The following LRRTM4 variants were observed in gnomAD, a reference collection of about 807,000 sequenced individuals.
LRRTM4 encodes the protein leucine-rich repeat transmembrane neuronal protein 4.
A neutral mutation model predicts 47.6 loss-of-function variants in LRRTM4; 25 were observed. The observed-to-expected ratio is 0.53, with a 90% CI of 0.38 to 0.73. LRRTM4 has a LOEUF of 0.73. Among genes scored for constraint, LRRTM4 ranks in the 30% least tolerant of loss-of-function variants. The pLI is 0.00. For missense variants in LRRTM4, 638 were observed against 713.4 expected (o/e 0.89, Z 1.20); for synonymous variants, 311 against 269.5 (o/e 1.15, Z -1.51).
intron 3 of LRRTM4, among the ~76,000 whole-genome samples, chr2:77,276,686 CATATATATATATAT>C (rs3980215): frequency 0.014 from 1,016 of 71,722 alleles, 63 homozygotes; most frequent in African/African-American, 0.038. Context: ...TTTGTGTACG[CATATATATATATAT>C]ATATATATAT....
At chr2:77,429,422 C>T (rs1047607528) in intron 3 of LRRTM4, among the ~76,000 whole-genome samples, 81 of 152,054 alleles carry the variant, frequency 5.3e-4, no homozygotes, top group Middle Eastern at 3.4e-3. Flanking sequence ...CAGCATTATT[C>T]GCAATAGCCA....
At chr2:77,292,198 C>A (rs1676844229) in intron 3 of LRRTM4, among the ~76,000 whole-genome samples, 1 of 149,588 alleles carries the variant, frequency 6.7e-6, no homozygotes, top group Non-Finnish European at 1.5e-5. Context: ...CAGGAAACAA[C>A]AGGTGCTGGA....
At chr2:76,897,596 C>T (rs1197057952) in intron 3 of LRRTM4, among the ~76,000 whole-genome samples, 4 of 152,204 alleles carry the variant, frequency 2.6e-5, no homozygotes, top group South Asian at 2.1e-4. Flanking sequence ...ATCCTTAGGC[C>T]TTTGTTAAAG....
chr2:77,248,868 A>T (rs1261392577), intron 3 of LRRTM4, among the ~76,000 whole-genome samples: 1 of 152,134 alleles, frequency 6.6e-6, no homozygotes, highest in Admixed American at 6.6e-5. Flanking sequence ...CTAAACAGAG[A>T]CTTTATACTC....
chr2:76,842,905 T>G (rs940613675), intron 3 of LRRTM4, among the ~76,000 whole-genome samples: 6 of 152,174 alleles, frequency 3.9e-5, no homozygotes, highest in Non-Finnish European at 8.8e-5. Flanking sequence ...CCACCTATAT[T>G]AGGAGAGAAT....
chr2:77,332,506 G>A (rs945187861), intron 3 of LRRTM4, among the ~76,000 whole-genome samples: 12 of 152,066 alleles, frequency 7.9e-5, no homozygotes, highest in African/African-American at 2.9e-4. Context: ...TTGGTCATGA[G>A]GATTTCTTCC....
At chr2:77,218,753 T>C (rs1454696934) in intron 3 of LRRTM4, among the ~76,000 whole-genome samples, 1 of 152,122 alleles carries the variant, frequency 6.6e-6, no homozygotes, top group Non-Finnish European at 1.5e-5. Context: ...TGAGCAACAA[T>C]ATAGTAAGCT....
chr2:76,972,734 A>G (rs1237483477), intron 3 of LRRTM4, among the ~76,000 whole-genome samples: 2 of 151,562 alleles, frequency 1.3e-5, no homozygotes, highest in African/African-American at 4.9e-5. Flanking sequence ...CAACTTTTAT[A>G]CCCTCTTTCT....
At chr2:77,416,366 G>T (rs1674634650) in intron 3 of LRRTM4, among the ~76,000 whole-genome samples, 1 of 151,994 alleles carries the variant, frequency 6.6e-6, no homozygotes, top group Non-Finnish European at 1.5e-5. Flanking sequence ...TTATTCTGTG[G>T]CTACTTGTAG....
At chr2:77,483,054 G>A (rs1677772383) in intron 3 of LRRTM4, among the ~76,000 whole-genome samples, 1 of 138,444 alleles carries the variant, frequency 7.2e-6, no homozygotes, top group African/African-American at 2.7e-5. Flanking sequence ...CTGAGAGGCA[G>A]AGGTTGCAGC....
chr2:76,965,078 T>G (rs1470509), intron 3 of LRRTM4, among the ~76,000 whole-genome samples: 1 of 150,740 alleles, frequency 6.6e-6, no homozygotes, highest in Non-Finnish European at 1.5e-5. Context: ...ATGAAGCATC[T>G]GGTCCAGATA....
intron 3 of LRRTM4, among the ~76,000 whole-genome samples, chr2:77,039,904 T>G (rs1678966570): frequency 6.6e-6 from 1 of 151,094 alleles, no homozygotes; most frequent in African/African-American, 2.4e-5. Context: ...ATTTTCTCAT[T>G]AGTTAATATT....
intron 3 of LRRTM4, among the ~76,000 whole-genome samples, chr2:77,147,098 A>T (rs900526250): frequency 2.6e-5 from 4 of 152,146 alleles, no homozygotes; most frequent in African/African-American, 4.8e-5. Flanking sequence ...GATTAAGCTA[A>T]TTTTTTTCTA....
chr2:76,927,811 T>C (rs1043627989), intron 3 of LRRTM4, among the ~76,000 whole-genome samples: 14 of 152,272 alleles, frequency 9.2e-5, no homozygotes, highest in South Asian at 6.2e-4. Flanking sequence ...TCTAAGGCTC[T>C]CAACATTGAG....
chr2:77,224,458 T>A (rs557580660), intron 3 of LRRTM4, among the ~76,000 whole-genome samples: 121 of 152,146 alleles, frequency 8.0e-4, no homozygotes, highest in South Asian at 6.0e-3. Context: ...TGCAACCTAC[T>A]CATCTGACAA....
At chr2:77,179,474 T>C (rs917123937) in intron 3 of LRRTM4, among the ~76,000 whole-genome samples, 8 of 152,268 alleles carry the variant, frequency 5.3e-5, no homozygotes, top group Middle Eastern at 3.4e-3. Flanking sequence ...TGAGGTTTAG[T>C]AATCGTTTGT....
At chr2:77,485,425 C>G (rs769942043) in intron 3 of LRRTM4, among the ~76,000 whole-genome samples, 3 of 152,014 alleles carry the variant, frequency 2.0e-5, no homozygotes, top group African/African-American at 7.3e-5. Context: ...AAACAATGAA[C>G]AAAGACCCAG....
chr2:76,923,427 G>A (rs933382129), intron 3 of LRRTM4, among the ~76,000 whole-genome samples: 3 of 151,646 alleles, frequency 2.0e-5, no homozygotes, highest in African/African-American at 4.8e-5. Context: ...ATAAATGAAG[G>A]TAATAAATAC....
intron 3 of LRRTM4, among the ~76,000 whole-genome samples, chr2:77,355,001 C>T (rs565410317): frequency 3.3e-5 from 5 of 152,248 alleles, no homozygotes; most frequent in South Asian, 4.1e-4. Context: ...TGCACAATCG[C>T]TCATCACTCT....
Sources: gnomAD v4.1 joint callset for allele counts (sites outside exome capture counted in the v4.1 genomes callset) on GRCh38, gnomAD v4.1.1 for gene constraint, MANE v1.5 for transcripts, NCBI Gene and HGNC (gene_info 2026-07-23, HGNC 2026-07-21) for gene names.